Variants in BMPR1A observed in about 807,000 individuals in gnomAD.
BMPR1A encodes bone morphogenetic protein receptor type-1A.
Under a neutral mutation model 66.0 loss-of-function variants are expected in BMPR1A, and 7 were observed. The observed-to-expected ratio is 0.11, with a 90% CI of 0.06 to 0.20. The LOEUF is 0.20. BMPR1A is among the 10% of genes least tolerant of loss of function. The probability of loss-of-function intolerance (pLI) is 1.00; values close to 1 mark genes in which losing one functional copy is unlikely to be tolerated. For synonymous variants in BMPR1A, 200 were observed against 229.7 expected (o/e 0.87, Z 1.17); for missense variants, 408 against 669.1 (o/e 0.61, Z 4.31).
intron 1 of BMPR1A, among the ~76,000 whole-genome samples, chr10:86,817,150 A>C (rs929669073): frequency 6.6e-6 from 1 of 152,188 alleles, no homozygotes; most frequent in Admixed American, 6.5e-5. Context: ...AAATACATTC[A>C]TAATGTTGTG....
chr10:86,913,597 C>G (rs758754449), intron 8 of BMPR1A, among the ~76,000 whole-genome samples: 21 of 152,204 alleles, frequency 1.4e-4, no homozygotes, highest in Admixed American at 9.8e-4. Flanking sequence ...TTGCAGAATA[C>G]AGAGTCATTG....
chr10:86,890,000 T>C, intron 3 of BMPR1A, 62 bp from the exon 4 acceptor site: 1 of 1,577,092 alleles, frequency 6.3e-7, no homozygotes, highest in Non-Finnish European at 8.7e-7. Flanking sequence ...TCATTGAAAA[T>C]TGTCACGAAA....
chr10:86,838,330 A>G (rs2133108059), intron 1 of BMPR1A, among the ~76,000 whole-genome samples: 1 of 152,338 alleles, frequency 6.6e-6, no homozygotes, highest in East Asian at 1.9e-4. Context: ...GTACTAATAT[A>G]CGGTAGTTTA....
chr10:86,758,280 T>C (rs1411613595), intron 1 of BMPR1A, among the ~76,000 whole-genome samples: 1 of 152,212 alleles, frequency 6.6e-6, no homozygotes, highest in Non-Finnish European at 1.5e-5. Flanking sequence ...CCCCACCCTT[T>C]ACAGAAGAGG....
At chr10:86,903,292 A>G (rs1221003161) in intron 7 of BMPR1A, among the ~76,000 whole-genome samples, 2 of 152,226 alleles carry the variant, frequency 1.3e-5, no homozygotes, top group Non-Finnish European at 2.9e-5. Context: ...AATAGTTATT[A>G]TAACTGTATT....
At chr10:86,922,707 T>C (rs1293937680) in intron 11 of BMPR1A, among the ~76,000 whole-genome samples, 2 of 152,232 alleles carry the variant, frequency 1.3e-5, no homozygotes, top group Non-Finnish European at 2.9e-5. Context: ...GAAAGCTCCT[T>C]AGAGACTTGG....
At chr10:86,808,222 C>T (rs1454202097) in intron 1 of BMPR1A, among the ~76,000 whole-genome samples, 1 of 151,964 alleles carries the variant, frequency 6.6e-6, no homozygotes, top group Non-Finnish European at 1.5e-5. Flanking sequence ...CCTTTATAAT[C>T]CTTTTAATGT....
chr10:86,861,629 A>G (rs913925050), intron 2 of BMPR1A, among the ~76,000 whole-genome samples: 5 of 152,214 alleles, frequency 3.3e-5, no homozygotes, highest in Admixed American at 2.6e-4. Flanking sequence ...TTGGTATAAC[A>G]TGTGGTACTG....
At chr10:86,871,876 A>G (rs537824574) in intron 2 of BMPR1A, among the ~76,000 whole-genome samples, 4 of 152,176 alleles carry the variant, frequency 2.6e-5, no homozygotes, top group Admixed American at 2.6e-4. Flanking sequence ...GATGCTCTCA[A>G]ACTTTATTCC....
At chr10:86,763,498 G>C (rs188318776) in intron 1 of BMPR1A, among the ~76,000 whole-genome samples, 160 of 152,196 alleles carry the variant, frequency 1.1e-3, no homozygotes, top group Non-Finnish European at 1.9e-3. Context: ...AAAATATCTT[G>C]ACTTGCAGCA....
At chr10:86,783,182 A>G (rs1841462701) in intron 1 of BMPR1A, among the ~76,000 whole-genome samples, 1 of 152,128 alleles carries the variant, frequency 6.6e-6, no homozygotes. Context: ...ACAGGGGTTT[A>G]TATCTGGGCT....
At chr10:86,883,132 C>T (rs1176438635) in intron 3 of BMPR1A, among the ~76,000 whole-genome samples, 2 of 152,188 alleles carry the variant, frequency 1.3e-5, no homozygotes, top group Non-Finnish European at 1.5e-5. Flanking sequence ...CCATGCACTT[C>T]TCCCTCACCC....
At chr10:86,879,751 A>G (rs1842963386) in intron 3 of BMPR1A, among the ~76,000 whole-genome samples, 1 of 152,202 alleles carries the variant, frequency 6.6e-6, no homozygotes, top group Admixed American at 6.5e-5. Flanking sequence ...TTCATGGTCC[A>G]GCAGTGTGTG....
rs7895656 is a variant in BMPR1A, at chr10:86,831,741, G to A, written c.-267-7124G>A. Among the ~76,000 whole-genome samples, 1,006 of 152,314 alleles carry A rather than the reference G, an allele frequency of 6.6e-3. 11 individuals carry two copies. The highest frequency in any genetic ancestry group is 0.023 in the African/African-American group (951 of 41,550). Reference sequence around the variant, plus strand: ...ATTACACCACTGCACTCCAGCTTGGGTGACAGAGCAAGACCCTGTCTCAAA... The same window carrying A: ...ATTACACCACTGCACTCCAGCTTGGATGACAGAGCAAGACCCTGTCTCAAA... On this transcript the variant is annotated intron_variant, in intron 1 of 12. Transcript: ENST00000372037.
At chr10:86,798,149 T>C (rs1841751531) in intron 1 of BMPR1A, among the ~76,000 whole-genome samples, 1 of 149,408 alleles carries the variant, frequency 6.7e-6, no homozygotes, top group Non-Finnish European at 1.5e-5. Context: ...GTAAGACTTT[T>C]AGAGGTATTC....
intron 1 of BMPR1A, among the ~76,000 whole-genome samples, chr10:86,773,221 A>T (rs1303029178): frequency 7.0e-6 from 1 of 143,082 alleles, no homozygotes; most frequent in African/African-American, 2.6e-5. Flanking sequence ...TTCACATTTG[A>T]TATGTTCTTC....
At chr10:86,756,220 G>C (rs1461548202), upstream of BMPR1A, 1 of 152,254 alleles carries the variant, frequency 6.6e-6, no homozygotes, top group South Asian at 2.1e-4. Context: ...CCCGGCAGCC[G>C]TGTCCACGCT....
intron 2 of BMPR1A, chr10:86,856,079 T>A (rs1192625494): frequency 3.6e-6 from 2 of 561,414 alleles, no homozygotes; most frequent in African/African-American, 1.9e-5. Flanking sequence ...CAAAAATTGC[T>A]GCAAAAAGAC....
chr10:86,882,983 C>A (rs1843012188), intron 3 of BMPR1A, among the ~76,000 whole-genome samples: 1 of 151,774 alleles, frequency 6.6e-6, no homozygotes, highest in Non-Finnish European at 1.5e-5. Flanking sequence ...AACAAAAAAA[C>A]CATCAAAAAC....
Sources: allele counts gnomAD v4.1 joint callset (sites outside exome capture counted in the v4.1 genomes callset), GRCh38; gene constraint gnomAD v4.1.1; transcripts MANE v1.5; gene names NCBI Gene and HGNC (gene_info 2026-07-23, HGNC 2026-07-21).